The following FNIP1 variants were observed in gnomAD, a reference collection of about 807,000 sequenced individuals.
The protein encoded by FNIP1 is folliculin-interacting protein 1.
A neutral mutation model predicts 124.5 loss-of-function variants in FNIP1; 40 were observed. The observed-to-expected ratio is 0.32, with a 90% CI of 0.25 to 0.42. The LOEUF (loss-of-function observed/expected upper bound fraction) is 0.42. Ranked by LOEUF, FNIP1 falls within the 10% of genes least tolerant of loss-of-function variation. The pLI is 1.00. For missense variants in FNIP1, 1,176 were observed against 1,403.7 expected (o/e 0.84, Z 2.59); for synonymous variants, 472 against 470.6 (o/e 1.00, Z -0.04).
At chr5:131,747,050 G>C (rs1289959438) in intron 1 of FNIP1, among the ~76,000 whole-genome samples, 1 of 152,086 alleles carries the variant, frequency 6.6e-6, no homozygotes, top group African/African-American at 2.4e-5. Flanking sequence ...ATTTTTTCAT[G>C]TTTGTTGGCT....
chr5:131,642,520 G>C lies in FNIP1; in HGVS notation c.*2165C>G, dbSNP rs893604988. On this transcript the variant is annotated 3_prime_UTR_variant, in exon 18 of 18. Transcript: ENST00000510461. ...ATTTTAAATAAAGAACAGTTTGATG[G>C]TTAAGGAGACACCCAGACATTATCC... 1.3e-5 allele frequency: 2 copies of C among 151,862 alleles called. No homozygotes were observed. The highest frequency in any genetic ancestry group is 4.8e-5 in the African/African-American group (2 of 41,292). The allele number at this position is 151,862 out of a possible 1,614,324, so 9.4% of individuals were successfully genotyped here.
chr5:131,728,906 CTGTT>C (rs564341056), intron 3 of FNIP1, among the ~76,000 whole-genome samples: 75 of 152,224 alleles, frequency 4.9e-4, no homozygotes, highest in African/African-American at 1.8e-3. Flanking sequence ...CTATTCCTTT[CTGTT>C]TGTTAGTTTT....
chr5:131,666,600 T>C (rs1057485833), intron 15 of FNIP1, among the ~76,000 whole-genome samples: 1 of 152,286 alleles, frequency 6.6e-6, no homozygotes, highest in East Asian at 1.9e-4. Context: ...TCCCCATCTA[T>C]GTAACTTAAA....
chr5:131,646,469 T>G (rs1264269488), intron 17 of FNIP1, among the ~76,000 whole-genome samples: 1 of 152,258 alleles, frequency 6.6e-6, no homozygotes, highest in African/African-American at 2.4e-5. Context: ...ATAAAAGTTC[T>G]AGCTTGTTTT....
At position 131,744,635 on chromosome 5, in the gene FNIP1, A is replaced by G; in HGVS notation, c.148T>C (p.Cys50Arg). 6.2e-7 allele frequency: 1 copy of G among 1,612,636 alleles called. No homozygotes were observed. The highest frequency in any genetic ancestry group is 8.5e-7 in the Non-Finnish European group (1 of 1,179,316). ...SQIRLIVYQDCERRGRNVLFD... is the reference protein window; with the variant it reads ...SQIRLIVYQDRERRGRNVLFD... ...AAAACATTTCTCCCTCGTCTTTCAC[A>G]GTCTTGATATACAATCAGTCGAATC... is the stretch of plus-strand genomic sequence containing the variant. Residue 50 changes from cysteine to arginine, a missense_variant, in exon 2 of 18, where the codon TGT (cysteine) becomes CGT (arginine). Transcript: ENST00000510461.
chr5:131,721,225 C>A (rs1298345889), intron 3 of FNIP1, among the ~76,000 whole-genome samples: 2 of 151,764 alleles, frequency 1.3e-5, no homozygotes, highest in Non-Finnish European at 1.5e-5. Flanking sequence ...ATAAGCCAGT[C>A]ACAAAGAGAT....
chr5:131,730,823 A>G (rs1770057924), intron 3 of FNIP1, 81 bp downstream of exon 3: 2 of 1,142,236 alleles, frequency 1.8e-6, no homozygotes, highest in African/African-American at 1.5e-5. Flanking sequence ...ACTAATTGCT[A>G]TTATATCTCC....
Position 131,748,545 on chromosome 5 carries a change from A to G in FNIP1, c.93-3855T>C, listed in dbSNP as rs541529592. Among the ~76,000 whole-genome samples the G allele has an allele frequency of 1.8e-3, 266 of 151,870 alleles. 1 individual carries two copies. Among genetic ancestry groups the G allele is most frequent in the Non-Finnish European group, 3.1e-4 (21 of 67,938 alleles). ...TGTCTCTACTAAAAGTACAAAACAA[A>G]AATTAGCCAGGCGTGGTGGCATGCA... On this transcript the variant is annotated intron_variant, in intron 1 of 17. Coordinates refer to ENST00000510461, the MANE Select transcript of FNIP1 (RefSeq NM_133372.3).
chr5:131,725,890 A>G (rs1244687036), intron 3 of FNIP1, among the ~76,000 whole-genome samples: 1 of 152,190 alleles, frequency 6.6e-6, no homozygotes, highest in Non-Finnish European at 1.5e-5. Flanking sequence ...TAGTTTATTG[A>G]GAGTTTTTAG....
chr5:131,748,457 G>C (rs1358294405), intron 1 of FNIP1, among the ~76,000 whole-genome samples: 1 of 152,082 alleles, frequency 6.6e-6, no homozygotes, highest in African/African-American at 2.4e-5. Context: ...ACTTTGGGAG[G>C]CTGAGGTGGG....
rs1213701746 is a variant in FNIP1, at chr5:131,709,289, A to C, written c.707-17T>G. ...TGCTGTGAACTATAAATAAAGATGA[A>C]ACTGTCAGTTATAAAATATATTGCT... is the stretch of plus-strand genomic sequence containing the variant. On this transcript the variant is annotated splice_polypyrimidine_tract_variant and intron_variant, in intron 7 of 17. Transcript: ENST00000510461. 6.2e-7 allele frequency: 1 copy of C among 1,605,522 alleles called. No homozygotes were observed. Among genetic ancestry groups the C allele is most frequent in the Non-Finnish European group, 8.5e-7 (1 of 1,172,496 alleles).
chr5:131,757,680 AC>A (rs1561692778), intron 1 of FNIP1, among the ~76,000 whole-genome samples: 1 of 151,896 alleles, frequency 6.6e-6, no homozygotes, highest in Non-Finnish European at 1.5e-5. Context: ...AAGTGGGGAC[AC>A]AAGGAAGGAG....
At chr5:131,791,159 C>A (rs573701624) in intron 1 of FNIP1, among the ~76,000 whole-genome samples, 6 of 152,306 alleles carry the variant, frequency 3.9e-5, no homozygotes, top group African/African-American at 1.4e-4. Flanking sequence ...AGGGAAATCA[C>A]CTTTTATGCT....
intron 1 of FNIP1, among the ~76,000 whole-genome samples, chr5:131,787,404 A>T (rs1323736988): frequency 6.6e-6 from 1 of 152,230 alleles, no homozygotes; most frequent in African/African-American, 2.4e-5. Context: ...TTCAGAATTA[A>T]GAGATGCAAG....
At chr5:131,653,803 G>A (rs962966183) in intron 15 of FNIP1, among the ~76,000 whole-genome samples, 18 of 152,144 alleles carry the variant, frequency 1.2e-4, no homozygotes, top group African/African-American at 1.7e-4. Context: ...GTACAGTGGC[G>A]TGATCTCAGC....
At chr5:131,726,790 G>A (rs1769889531) in intron 3 of FNIP1, among the ~76,000 whole-genome samples, 1 of 152,108 alleles carries the variant, frequency 6.6e-6, no homozygotes, top group Admixed American at 6.6e-5. Flanking sequence ...ACTTTCTCCT[G>A]TGGGCATTTA....
At chr5:131,655,748 A>T (rs1767171875) in intron 15 of FNIP1, among the ~76,000 whole-genome samples, 1 of 90,722 alleles carries the variant, frequency 1.1e-5, no homozygotes, top group Non-Finnish European at 2.5e-5. Context: ...CTCTACTAAA[A>T]ATACAAAAAA....
chr5:131,661,154 C>CATA (rs769330447), intron 15 of FNIP1, among the ~76,000 whole-genome samples: 11 of 151,798 alleles, frequency 7.2e-5, no homozygotes, highest in Non-Finnish European at 1.6e-4. Context: ...AGAATAGAAG[C>CATA]ATACTCTTAG....
At position 131,678,947 on chromosome 5, in the gene FNIP1, A is replaced by C. The variant is rs548881620; in HGVS notation, c.1349+82T>G. 64 of 941,326 alleles carry C rather than the reference A, an allele frequency of 6.8e-5. 2 individuals are homozygous for C. In the South Asian group the frequency reaches 1.2e-3, roughly 17 times the overall value. The allele number at this position is 941,326 out of a possible 1,614,324, so 58.3% of individuals were successfully genotyped here. On this transcript the variant is annotated intron_variant, in intron 12 of 17. Transcript: ENST00000510461. ...TTGATTAATAATATAAAATAATTCC[A>C]AAGATAATGGATGATTCTTCCACAT...
Sources: allele counts gnomAD v4.1 joint callset (sites outside exome capture counted in the v4.1 genomes callset), GRCh38; gene constraint gnomAD v4.1.1; transcripts MANE v1.5; gene names NCBI Gene and HGNC (gene_info 2026-07-23, HGNC 2026-07-21).